The following ZFYVE26 variants were observed in gnomAD, a reference collection of about 807,000 sequenced individuals.
ZFYVE26 encodes zinc finger FYVE domain-containing protein 26.
Under a neutral mutation model 276.5 loss-of-function variants are expected in ZFYVE26, and 181 were observed. The observed-to-expected ratio is 0.65, with a 90% CI of 0.58 to 0.74. ZFYVE26 has a LOEUF of 0.74. Ranked by LOEUF, ZFYVE26 falls within the 30% of genes least tolerant of loss-of-function variation. The pLI is 0.00. For missense variants in ZFYVE26, 2,821 were observed against 3,097.9 expected, an observed-to-expected ratio of 0.91 and a Z score of 2.12; for synonymous variants, 1,129 against 1,203.1, an observed-to-expected ratio of 0.94 and a Z score of 1.27.
At chr14:67,756,467 G>A in intron 35 of ZFYVE26, 1 of 403,290 alleles carries the variant, frequency 2.5e-6, no homozygotes, top group Non-Finnish European at 4.6e-6. Flanking sequence ...TAGGTCACCA[G>A]TGACCACTAA....
intron 12 of ZFYVE26, among the ~76,000 whole-genome samples, chr14:67,794,454 A>G (rs1033509847): frequency 1.7e-4 from 26 of 152,244 alleles, no homozygotes; most frequent in Non-Finnish European, 2.4e-4. Context: ...CCTGGGTAAT[A>G]GCCTATACCA....
chr14:67,753,618 G>A, intron 39 of ZFYVE26, 89 bp downstream of exon 39: 1 of 1,383,620 alleles, frequency 7.2e-7, no homozygotes, highest in South Asian at 1.2e-5. Context: ...ACTTTTCTTG[G>A]GATAAGAATT....
At chr14:67,803,498 C>G (rs557144835) in intron 9 of ZFYVE26, among the ~76,000 whole-genome samples, 1 of 151,908 alleles carries the variant, frequency 6.6e-6, no homozygotes, top group East Asian at 1.9e-4. Context: ...CGCACCACCA[C>G]ACCCGGCTAA....
At chr14:67,771,490 TTTCATCAGCGTTGAGC>T (rs2039207622) in intron 28 of ZFYVE26, among the ~76,000 whole-genome samples, 1 of 152,242 alleles carries the variant, frequency 6.6e-6, no homozygotes, top group South Asian at 2.1e-4. Flanking sequence ...TCACCATCGT[TTTCATCAGCGTTGAGC>T]TGATGTGGCA....
rs750665937 is a variant in ZFYVE26, at chr14:67,805,542, AG to A, written c.1093del (p.Leu365SerfsTer16). 3.1e-6 allele frequency: 5 copies of A among 1,614,196 alleles called. No homozygotes were observed. In the South Asian group the frequency reaches 5.5e-5, roughly 18 times the overall value. ...GCLLDREFRP[L>X]SCLLVLLGWT... is the part of the protein sequence containing the mutation. ...GCCCAGGAGTACAAGCAGGCAACTG[AG>A]GGGCCTGAATTCTCTATCAAGTAGG... On this transcript the variant is annotated frameshift_variant, in exon 7 of 42. Transcript: ENST00000347230. LOFTEE classifies it high-confidence loss of function.
At chr14:67,793,060 G>C (rs2039861452) in intron 14 of ZFYVE26, among the ~76,000 whole-genome samples, 1 of 152,056 alleles carries the variant, frequency 6.6e-6, no homozygotes, top group South Asian at 2.1e-4. Flanking sequence ...AGGAGTTCGA[G>C]ACCAGCCTGG....
At chr14:67,768,470 C>T (rs1594897382) in intron 30 of ZFYVE26, 47 bp downstream of exon 30, 1 of 1,604,146 alleles carries the variant, frequency 6.2e-7, no homozygotes. Flanking sequence ...ATAGAGTCAA[C>T]TTAAGTACAC....
Position 67,766,333 on chromosome 14 carries a change from C to G in ZFYVE26, c.5905G>C (p.Glu1969Gln). The G allele has an allele frequency of 1.2e-6, 2 of 1,613,478 alleles. No homozygotes were observed. The highest frequency in any genetic ancestry group is 8.5e-7 in the Non-Finnish European group (1 of 1,180,042). ...TCCGTGAGCAGCCCGGCATCCACCTCTGGGTTGGTGAGGCCCTTGGAGAGC... is the reference window on the plus strand; with the variant it reads ...TCCGTGAGCAGCCCGGCATCCACCTGTGGGTTGGTGAGGCCCTTGGAGAGC... ...CRLSKGLTNP[E>Q]VDAGLLTDIM... Residue 1969 changes from glutamate to glutamine, a missense_variant, in exon 32 of 42, where the codon GAG becomes CAG. Physicochemically the swap from Glu to Gln is conservative, Grantham distance 29. Coordinates refer to ENST00000347230, the MANE Select transcript of ZFYVE26 (RefSeq NM_015346.4).
intron 3 of ZFYVE26, among the ~76,000 whole-genome samples, chr14:67,810,496 A>AT (rs2040277987): frequency 6.6e-6 from 1 of 152,190 alleles, no homozygotes; most frequent in East Asian, 1.9e-4. Context: ...ATATTTATAT[A>AT]TTTTTTACAA....
Position 67,783,038 on chromosome 14 carries a change from C to T in ZFYVE26, c.4114G>A (p.Ala1372Thr). The T allele has an allele frequency of 6.2e-7, 1 of 1,614,144 alleles. No homozygotes were observed. The highest frequency in any genetic ancestry group is 8.5e-7 in the Non-Finnish European group (1 of 1,180,008). Residue 1372 changes from alanine to threonine, a missense_variant, in exon 21 of 42, where the codon GCT (alanine) becomes ACT (threonine). Transcript: ENST00000347230. ...GACCCTCGCAGGGGCTCCCAGGCAG[C>T]CAGGAGGAAGGCCTCAAACAGAGGG... is the stretch of plus-strand genomic sequence containing the variant. ...QFPLFEAFLL[A>T]AWEPLRGSLQ...
downstream of ZFYVE26, among the ~76,000 whole-genome samples, chr14:67,745,579 A>G (rs755342186): frequency 1.3e-5 from 2 of 152,062 alleles, no homozygotes; most frequent in Non-Finnish European, 2.9e-5. Flanking sequence ...TACTGCAAAC[A>G]TATGCCTGAA....
chr14:67,735,329 A>G, intron 13 of ZFYVE26: 1 of 786,314 alleles, frequency 1.3e-6, no homozygotes. Flanking sequence ...CGACACCAAA[A>G]GGACCATCTA....
intron 35 of ZFYVE26, among the ~76,000 whole-genome samples, chr14:67,757,670 CTTTCTTTCTT>C (rs1168025052): frequency 2.1e-5 from 3 of 144,880 alleles, no homozygotes; most frequent in Non-Finnish European, 3.0e-5. Context: ...TTCTTTCTTT[CTTTCTTTCTT>C]TCTCTCTCTC....
chr14:67,793,683 G>T lies in ZFYVE26; in HGVS notation c.2478C>A (p.Ile826=). Residue 826 remains isoleucine (I), a synonymous_variant, in exon 14 of 42, where the codon ATC becomes ATA. Coordinates refer to ENST00000347230, the MANE Select transcript of ZFYVE26 (RefSeq NM_015346.4). ...ACTCAGGTGGGGAGAACATCATGGGGATGAGTGAACTTTGAGGATGGGGGT... is the reference window on the plus strand; with the variant it reads ...ACTCAGGTGGGGAGAACATCATGGGTATGAGTGAACTTTGAGGATGGGGGT... ...RLHPHPQSSL[I]PMMFSPPESL... 6.2e-7 allele frequency: 1 copy of T among 1,613,930 alleles called. No homozygotes were observed.
At chr14:67,735,071 A>G in intron 13 of ZFYVE26, 2 of 705,032 alleles carry the variant, frequency 2.8e-6, no homozygotes, top group Non-Finnish European at 5.2e-6. Flanking sequence ...ACAGCAAATG[A>G]CACCAAATAT....
At chr14:67,778,719 C>T (rs2039417884) in intron 23 of ZFYVE26, among the ~76,000 whole-genome samples, 1 of 151,716 alleles carries the variant, frequency 6.6e-6, no homozygotes, top group Admixed American at 6.6e-5. Flanking sequence ...TTCCCCCTCA[C>T]TACCCCCCAA....
intron 13 of ZFYVE26, chr14:67,733,723 T>C (rs762664846): frequency 6.6e-7 from 1 of 1,520,678 alleles, no homozygotes; most frequent in South Asian, 1.1e-5. Flanking sequence ...TCCTGGAATT[T>C]ACTGTCTTTC....
In ZFYVE26 at chr14:67,808,027, G is replaced by A. The variant is rs530915591; in HGVS notation, c.364-107C>T. The A allele has an allele frequency of 3.3e-5, 43 of 1,322,400 alleles. No individual in the cohort carries two copies. The East Asian group carries it at 3.7e-4, about 11-fold the overall frequency. 81.9% of individuals were successfully genotyped at this position (1,322,400 alleles called of 1,614,324 possible). A position where few individuals can be genotyped will look rare whatever the true frequency, so the allele number is the denominator to read the frequency against. On this transcript the variant is annotated intron_variant, in intron 4 of 41. Coordinates refer to ENST00000347230, the MANE Select transcript of ZFYVE26 (RefSeq NM_015346.4). ...TTCAGTTTACTTATATAATAGTGGCGGTAACAAATACTTATGTCGTAGTTA... is the reference window on the plus strand; with the variant it reads ...TTCAGTTTACTTATATAATAGTGGCAGTAACAAATACTTATGTCGTAGTTA...
chr14:67,740,839 G>C (rs2038408568), intron 13 of ZFYVE26, among the ~76,000 whole-genome samples: 1 of 151,362 alleles, frequency 6.6e-6, no homozygotes, highest in Non-Finnish European at 1.5e-5. Flanking sequence ...ACCTAGCGGG[G>C]CAGAAGTTGC....
Sources: gnomAD v4.1 joint callset for allele counts (sites outside exome capture counted in the v4.1 genomes callset) on GRCh38, gnomAD v4.1.1 for gene constraint, MANE v1.5 for transcripts, NCBI Gene and HGNC (gene_info 2026-07-23, HGNC 2026-07-21) for gene names.